SLC44A1: variants seen among roughly 807,000 people sequenced by gnomAD.
SLC44A1 encodes the protein choline transporter-like protein 1.
In SLC44A1, 26 loss-of-function variants were observed where a neutral mutation model predicts 79.3. The ratio of observed to expected loss-of-function variants is 0.33; its 90% CI spans 0.24 to 0.46. SLC44A1 has a LOEUF of 0.46. SLC44A1 is among the 20% of genes least tolerant of loss of function. The pLI is 1.00. For missense variants in SLC44A1, 688 were observed against 798.1 expected, an observed-to-expected ratio of 0.86 and a Z score of 1.66; for synonymous variants, 263 against 286.2, an observed-to-expected ratio of 0.92 and a Z score of 0.82.
intron 3 of SLC44A1, among the ~76,000 whole-genome samples, chr9:105,331,434 A>G (rs925720371): frequency 4.6e-5 from 7 of 152,232 alleles, no homozygotes; most frequent in Non-Finnish European, 1.0e-4. Context: ...GTTTGTCAAT[A>G]CCATGCTTAT....
chr9:105,245,195 C>T (rs1588695902), intron 1 of SLC44A1, among the ~76,000 whole-genome samples: 1 of 152,058 alleles, frequency 6.6e-6, no homozygotes, highest in East Asian at 1.9e-4. Flanking sequence ...CTGAGCTGCC[C>T]GTCCCGCCCG....
intron 1 of SLC44A1, among the ~76,000 whole-genome samples, chr9:105,260,663 A>C (rs1001050623): frequency 6.6e-6 from 1 of 152,120 alleles, no homozygotes; most frequent in Non-Finnish European, 1.5e-5. Flanking sequence ...TCTCCAAGGG[A>C]TATTAGGTAG....
chr9:105,290,847 A>G (rs149515985), intron 1 of SLC44A1, among the ~76,000 whole-genome samples: 2 of 152,370 alleles, frequency 1.3e-5, no homozygotes, highest in African/African-American at 4.8e-5. Context: ...TAAGAAAAGC[A>G]GTTGGGCACA....
At position 105,390,512 on chromosome 9, in the gene SLC44A1, C is replaced by T; in HGVS notation, c.*1456C>T. On this transcript the variant is annotated 3_prime_UTR_variant, in exon 16 of 16. Coordinates refer to ENST00000374720, the MANE Select transcript of SLC44A1 (RefSeq NM_080546.5). ...TTTTGAAAGAAAGCATTGCCTCCTA[C>T]CAGAACTAGACAGTGAATTAGATCG... 1 of 982,710 alleles carries T rather than the reference C, an allele frequency of 1.0e-6. No individual in the cohort carries two copies. The highest frequency in any genetic ancestry group is 4.7e-5 in the South Asian group (1 of 21,122). 60.9% of individuals were successfully genotyped at this position (982,710 alleles called of 1,614,324 possible).
chr9:105,423,410 G>A (rs796447398), intron 15 of SLC44A1, among the ~76,000 whole-genome samples: 11 of 152,274 alleles, frequency 7.2e-5, no homozygotes, highest in African/African-American at 2.6e-4. Context: ...AGGTTGCAGT[G>A]AGCCGAGATT....
intron 4 of SLC44A1, among the ~76,000 whole-genome samples, chr9:105,338,550 G>A (rs983777522): frequency 1.3e-5 from 2 of 152,126 alleles, no homozygotes; most frequent in South Asian, 4.1e-4. Context: ...GAGTAGCTGG[G>A]ACTACAGGCA....
chr9:105,269,501 CA>C (rs1196574201), intron 1 of SLC44A1, among the ~76,000 whole-genome samples: 1 of 152,050 alleles, frequency 6.6e-6, no homozygotes, highest in Non-Finnish European at 1.5e-5. Flanking sequence ...ATTCTTCTAT[CA>C]AAAAAGGACA....
chr9:105,358,868 C>T lies in SLC44A1; in HGVS notation c.760+435C>T, dbSNP rs549429386. ...ACCCTTGTTTTGATGGTATACGTTA[C>T]ATTTTCACTTCCACAGTTGTTTTCA... On this transcript the variant is annotated intron_variant, in intron 7 of 15. Transcript: ENST00000374720. 3.9e-5 allele frequency among the ~76,000 whole-genome samples: 6 copies of T among 152,202 alleles called. No homozygotes were observed. The South Asian group carries it at 1.2e-3, about 32-fold the overall frequency.
At chr9:105,273,423 T>C (rs1830122950) in intron 1 of SLC44A1, among the ~76,000 whole-genome samples, 2 of 152,208 alleles carry the variant, frequency 1.3e-5, no homozygotes. Flanking sequence ...ATGTAGACTG[T>C]GGAGATGAAT....
intron 15 of SLC44A1, among the ~76,000 whole-genome samples, chr9:105,435,532 T>C (rs1372242751): frequency 6.6e-6 from 1 of 152,208 alleles, no homozygotes; most frequent in Non-Finnish European, 1.5e-5. Flanking sequence ...CAAGGTCGAC[T>C]GATTAGTTAG....
At chr9:105,329,841 C>G (rs553872051) in intron 3 of SLC44A1, among the ~76,000 whole-genome samples, 1 of 152,186 alleles carries the variant, frequency 6.6e-6, no homozygotes, top group South Asian at 2.1e-4. Flanking sequence ...AAAATTCCTA[C>G]TCAATTTCAA....
intron 4 of SLC44A1, among the ~76,000 whole-genome samples, chr9:105,345,046 GT>G (rs1827207425): frequency 6.6e-6 from 1 of 152,186 alleles, no homozygotes; most frequent in South Asian, 2.1e-4. Flanking sequence ...TGAGTCTGGA[GT>G]TTTAGGTAGA....
At chr9:105,264,551 A>G (rs934948323) in intron 1 of SLC44A1, among the ~76,000 whole-genome samples, 1 of 152,138 alleles carries the variant, frequency 6.6e-6, no homozygotes, top group Admixed American at 6.6e-5. Context: ...ACTCTTGGAG[A>G]TCGTGGTTGT....
Position 105,396,096 on chromosome 9 carries a change from C to T in SLC44A1, c.*7040C>T. 1.0e-6 allele frequency: 1 copy of T among 985,260 alleles called. No homozygotes were observed. Among genetic ancestry groups the T allele is most frequent in the African/African-American group, 1.7e-5 (1 of 57,312 alleles). 61.0% of individuals were successfully genotyped at this position (985,260 alleles called of 1,614,324 possible). ...CTATTTTGATTTTCAGAGATGATCA[C>T]ATGGGGACAGTTAACTTTTCTTCTG... On this transcript the variant is annotated 3_prime_UTR_variant, in exon 16 of 16. Coordinates refer to ENST00000374720, the MANE Select transcript of SLC44A1 (RefSeq NM_080546.5).
At chr9:105,269,982 A>G (rs947052874) in intron 1 of SLC44A1, among the ~76,000 whole-genome samples, 1 of 152,328 alleles carries the variant, frequency 6.6e-6, no homozygotes, top group African/African-American at 2.4e-5. Flanking sequence ...TAGAGCTTCA[A>G]TGTTTATAGA....
At chr9:105,320,842 G>T (rs1486194017) in intron 3 of SLC44A1, among the ~76,000 whole-genome samples, 1 of 152,150 alleles carries the variant, frequency 6.6e-6, no homozygotes, top group Non-Finnish European at 1.5e-5. Flanking sequence ...GACCGATGAT[G>T]TTGACCATCT....
intron 15 of SLC44A1, among the ~76,000 whole-genome samples, chr9:105,410,195 C>T (rs1376250672): frequency 6.6e-6 from 1 of 151,870 alleles, no homozygotes; most frequent in African/African-American, 2.4e-5. Flanking sequence ...GGCTATGAAA[C>T]CAAAAACACA....
intron 3 of SLC44A1, among the ~76,000 whole-genome samples, chr9:105,331,602 G>A (rs1826751517): frequency 6.6e-6 from 1 of 152,182 alleles, no homozygotes; most frequent in African/African-American, 2.4e-5. Flanking sequence ...AAATTGGTTT[G>A]ATACAAGCAC....
chr9:105,357,791 G>A (rs1281265078), intron 6 of SLC44A1, among the ~76,000 whole-genome samples: 1 of 152,170 alleles, frequency 6.6e-6, no homozygotes, highest in Non-Finnish European at 1.5e-5. Context: ...GCTTCAGGAT[G>A]TTATTCCACA....
Sources: gnomAD v4.1 joint callset for allele counts (sites outside exome capture counted in the v4.1 genomes callset) on GRCh38, gnomAD v4.1.1 for gene constraint, MANE v1.5 for transcripts, NCBI Gene and HGNC (gene_info 2026-07-23, HGNC 2026-07-21) for gene names.